Variants in PLCH2 observed in about 807,000 individuals in gnomAD.
PLCH2 encodes the protein phospholipase C eta 2.
Under a neutral mutation model 134.7 loss-of-function variants are expected in PLCH2, and 98 were observed. The ratio of observed to expected loss-of-function variants is 0.73; its 90% CI spans 0.62 to 0.86. PLCH2 has a LOEUF of 0.86. PLCH2 is among the 40% of genes least tolerant of loss of function. The pLI is 0.00. For missense variants in PLCH2, 1,994 were observed against 1,986.6 expected, an observed-to-expected ratio of 1.00 and a Z score of -0.07; for synonymous variants, 974 against 827.5, an observed-to-expected ratio of 1.18 and a Z score of -3.04.
In PLCH2 at chr1:2,498,381, C is replaced by A; in HGVS notation, c.2225-142C>A. ...GTGCACCCCGAGGTGCCCCCCTGGA[C>A]CACTGCCTCCCTCCCTCCCCCTGGC... On this transcript the variant is annotated intron_variant, in intron 16 of 21. Coordinates refer to ENST00000378486, the MANE Select transcript of PLCH2 (RefSeq NM_014638.4). This position sits in a 1 kb window ranked among gnomAD's most constrained non-coding sequence, Gnocchi z 5.4. 1.1e-6 allele frequency: 1 copy of A among 911,784 alleles called. No individual in the cohort carries two copies. The highest frequency in any genetic ancestry group is 1.6e-6 in the Non-Finnish European group (1 of 611,922). 56.5% of individuals were successfully genotyped at this position (911,784 alleles called of 1,614,324 possible).
chr1:2,503,797 C>T (rs1458061307), intron 21 of PLCH2, 125 bp from the exon 22 acceptor site: 13 of 613,430 alleles, frequency 2.1e-5, no homozygotes, highest in South Asian at 7.4e-5. Flanking sequence ...CTGGGCCTGG[C>T]GACCCTCGGC....
rs1446178872 is a variant in PLCH2 at position 2,486,349 on chromosome 1, C to T, written c.817-558C>T. The stretch of plus-strand genomic sequence containing the variant: ...CCCCCACCTGTTACCTCACCATGTT[C>T]CCAGGGACCTCCAAGAAGCCGTGTC... On this transcript the variant is annotated intron_variant, in intron 5 of 21. Transcript: ENST00000378486. Among the ~76,000 whole-genome samples, 4 of 152,220 alleles carry T rather than the reference C, an allele frequency of 2.6e-5. 1 individual carries two copies. Among genetic ancestry groups the T allele is most frequent in the Non-Finnish European group, 4.4e-5 (3 of 68,026 alleles).
intron 2 of PLCH2, among the ~76,000 whole-genome samples, chr1:2,441,903 G>A (rs1445285034): frequency 6.6e-6 from 1 of 152,194 alleles, no homozygotes; most frequent in Non-Finnish European, 1.5e-5. Context: ...TGATGACAGA[G>A]GCTTCACTGC....
At chr1:2,477,336 G>A (rs1452769491) in intron 1 of PLCH2, among the ~76,000 whole-genome samples, 1 of 151,998 alleles carries the variant, frequency 6.6e-6, no homozygotes, top group East Asian at 1.9e-4. Context: ...CCTCCCATGT[G>A]CCCCGGAGAG....
rs755600096 is a variant in PLCH2, at chr1:2,487,154, A to G, written c.911-19A>G. ...CTGGTGGTGGGCTGACATGGCCCCT[A>G]TGCCACGCCGTCCTGCAGGCTTCAC... On this transcript the variant is annotated intron_variant, in intron 6 of 21. Coordinates refer to ENST00000378486, the MANE Select transcript of PLCH2 (RefSeq NM_014638.4). 33 of 1,547,678 alleles carry G rather than the reference A, an allele frequency of 2.1e-5. No homozygotes were observed. The highest frequency in any genetic ancestry group is 2.6e-5 in the Non-Finnish European group (30 of 1,147,842).
the PLCH2 span, among the ~76,000 whole-genome samples, chr1:2,419,298 C>G: frequency 6.6e-6 from 1 of 152,240 alleles, no homozygotes; most frequent in South Asian, 2.1e-4. Flanking sequence ...CATCTATCCC[C>G]TGCCAGCCCC....
At chr1:2,468,408 C>T (rs1570365558) in intron 1 of PLCH2, among the ~76,000 whole-genome samples, 2 of 152,252 alleles carry the variant, frequency 1.3e-5, no homozygotes, top group Non-Finnish European at 2.9e-5. Context: ...GCGGAAGCCC[C>T]GGGGCTGTTC....
chr1:2,429,308 C>G (rs1638954260), intron 1 of PLCH2, among the ~76,000 whole-genome samples: 1 of 152,216 alleles, frequency 6.6e-6, no homozygotes, highest in South Asian at 2.1e-4. Flanking sequence ...TGATGTCCAT[C>G]TGTGCTGGGC....
chr1:2,487,924 G>A (rs1044745400), intron 8 of PLCH2, among the ~76,000 whole-genome samples: 1 of 152,210 alleles, frequency 6.6e-6, no homozygotes, highest in Admixed American at 6.5e-5. Flanking sequence ...GGGCTTCACA[G>A]GAGCAGCTCG....
rs771372558 is a variant in PLCH2, at chr1:2,504,537, C to T, written c.3575C>T (p.Pro1192Leu). Residue 1192 changes from proline (P) to leucine (L), a missense_variant, in exon 22 of 22, where the codon CCA (proline) becomes CTA (leucine). Physicochemically the swap from Pro to Leu is moderately conservative, Grantham distance 98. Transcript: ENST00000378486. ...CCCCACTCGGCTTCGGCTGCCCGCC[C>T]AGACCTGCCACCTGTGACCAAGAGC... ...PRPHSASAAR[P>L]DLPPVTKSKS... 2 of 1,612,644 alleles carry T rather than the reference C, an allele frequency of 1.2e-6. No individual in the cohort carries two copies. Among genetic ancestry groups the T allele is most frequent in the Admixed American group, 1.7e-5 (1 of 60,028 alleles).
rs1643129277 is a variant in PLCH2, at chr1:2,500,030, C to A, written c.2661+310C>A. On this transcript the variant is annotated intron_variant, in intron 20 of 21. Transcript: ENST00000378486. The stretch of plus-strand genomic sequence containing the variant: ...TCTCAGACTCTTGGGGGCCTTGCAG[C>A]CTCCACCCCTACAGTGCTGCCATCT... 9.9e-6 allele frequency: 5 copies of A among 503,756 alleles called. No homozygotes were observed. The South Asian group carries it at 1.2e-4, about 12-fold the overall frequency. 31.2% of individuals were successfully genotyped at this position (503,756 alleles called of 1,614,324 possible).
At chr1:2,454,658 C>T (rs1376008122) in intron 2 of PLCH2, among the ~76,000 whole-genome samples, 1 of 152,136 alleles carries the variant, frequency 6.6e-6, no homozygotes, top group Non-Finnish European at 1.5e-5. Flanking sequence ...GGGGAGGGGC[C>T]AGGACCTGAG....
At chr1:2,462,093 A>G (rs1230792418) in intron 2 of PLCH2, among the ~76,000 whole-genome samples, 2 of 85,544 alleles carry the variant, frequency 2.3e-5, no homozygotes, top group African/African-American at 4.9e-5. Context: ...ACAACCCTCC[A>G]CCTGACACCC....
intron 5 of PLCH2, among the ~76,000 whole-genome samples, chr1:2,485,989 G>A (rs1280448632): frequency 1.1e-4 from 16 of 152,124 alleles, no homozygotes; most frequent in Non-Finnish European, 2.9e-5. Context: ...CACCCGGGAC[G>A]CATGGCCCAG....
chr1:2,500,731 G>A (rs1643172171), intron 20 of PLCH2: 1 of 152,026 alleles, frequency 6.6e-6, no homozygotes, highest in Admixed American at 6.5e-5. Context: ...CATTTACGAG[G>A]CAGATCCAGG....
intron 2 of PLCH2, among the ~76,000 whole-genome samples, chr1:2,436,027 CTCCTCCCCTCCTCCCTTCCTCTCTCCT>C (rs1553238630): frequency 1.9e-4 from 18 of 94,610 alleles, no homozygotes; most frequent in South Asian, 1.9e-3. Context: ...TCTCTCCTCC[CTCCTCCCCTCCTCCCTTCCTCTCTCCT>C]TCCTCCCCTC....
At chr1:2,449,164 T>C (rs1298408770) in intron 2 of PLCH2, among the ~76,000 whole-genome samples, 2 of 112,100 alleles carry the variant, frequency 1.8e-5, no homozygotes, top group Admixed American at 1.3e-4. Flanking sequence ...CACCCAGAGG[T>C]TGGAGCTATT....
upstream of PLCH2, among the ~76,000 whole-genome samples, chr1:2,463,752 G>A (rs954138455): frequency 2.0e-5 from 3 of 152,214 alleles, no homozygotes; most frequent in East Asian, 1.9e-4. Context: ...CCGCCAGACC[G>A]CACTGAAGGT....
intron 2 of PLCH2, among the ~76,000 whole-genome samples, chr1:2,437,028 A>G (rs1018902563): frequency 4.6e-5 from 7 of 152,068 alleles, no homozygotes; most frequent in Non-Finnish European, 8.8e-5. Context: ...TGCTCCCAAG[A>G]CCCTCCCACA....
Sources: gnomAD v4.1 joint callset for allele counts (sites outside exome capture counted in the v4.1 genomes callset) on GRCh38, gnomAD v4.1.1 for gene constraint, Gnocchi (gnomAD v3.1) non-coding constraint, MANE v1.5 for transcripts, NCBI Gene and HGNC (gene_info 2026-07-23, HGNC 2026-07-21) for gene names.